Variants in DPP10 observed in about 807,000 individuals in gnomAD.
DPP10 encodes inactive dipeptidyl peptidase 10.
In DPP10, 33 loss-of-function variants were observed where a neutral mutation model predicts 120.9. The ratio of observed to expected loss-of-function variants is 0.27; its 90% CI spans 0.21 to 0.37. The LOEUF is 0.37. DPP10 is among the 10% of genes least tolerant of loss of function. The pLI is 1.00. For missense variants in DPP10, 816 were observed against 942.8 expected (o/e 0.87, Z 1.76); for synonymous variants, 337 against 326.1 (o/e 1.03, Z -0.36).
intron 17 of DPP10, 29 bp from the exon 18 acceptor site, chr2:115,791,052 C>T (rs777460735): frequency 1.3e-6 from 2 of 1,526,972 alleles, no homozygotes; most frequent in South Asian, 2.3e-5. Context: ...TAGGGGTTAG[C>T]TATTTACACT....
intron 1 of DPP10, among the ~76,000 whole-genome samples, chr2:115,229,408 C>T (rs981739304): frequency 3.3e-5 from 5 of 152,056 alleles, no homozygotes; most frequent in Non-Finnish European, 5.9e-5. Context: ...TCTTTGCTTT[C>T]GTTGCGCATG....
At chr2:115,639,706 GTAGATT>G (rs1276083188) in intron 5 of DPP10, among the ~76,000 whole-genome samples, 20 of 152,106 alleles carry the variant, frequency 1.3e-4, no homozygotes, top group Non-Finnish European at 7.4e-5. Context: ...GTTAAAACAT[GTAGATT>G]TCTGAAACCT....
At chr2:114,503,824 A>G (rs1044491927) in intron 1 of DPP10, among the ~76,000 whole-genome samples, 2 of 152,228 alleles carry the variant, frequency 1.3e-5, no homozygotes, top group Admixed American at 6.5e-5. Flanking sequence ...CTTTTGTCCC[A>G]TAAAAAATAA....
intron 1 of DPP10, among the ~76,000 whole-genome samples, chr2:115,295,708 T>C (rs2060855792): frequency 6.6e-6 from 1 of 152,086 alleles, no homozygotes; most frequent in South Asian, 2.1e-4. Flanking sequence ...ATTTCTGCTT[T>C]TTTTTCTTTT....
chr2:115,603,317 C>T (rs927273071), intron 5 of DPP10, among the ~76,000 whole-genome samples: 3 of 149,860 alleles, frequency 2.0e-5, no homozygotes, highest in South Asian at 2.1e-4. Flanking sequence ...AACAGGTGGG[C>T]GCACACCCAC....
At chr2:115,206,524 C>T (rs2056142950) in intron 1 of DPP10, among the ~76,000 whole-genome samples, 1 of 152,156 alleles carries the variant, frequency 6.6e-6, no homozygotes, top group African/African-American at 2.4e-5. Flanking sequence ...GACAACAAAA[C>T]CATGTCTATT....
intron 5 of DPP10, among the ~76,000 whole-genome samples, chr2:115,684,997 G>C (rs1175095280): frequency 6.6e-6 from 1 of 151,926 alleles, no homozygotes; most frequent in Non-Finnish European, 1.5e-5. Context: ...GAAAGGTAGT[G>C]TGCAGAAAGA....
intron 5 of DPP10, among the ~76,000 whole-genome samples, chr2:115,534,564 T>C (rs1031932428): frequency 2.0e-5 from 3 of 152,112 alleles, no homozygotes; most frequent in African/African-American, 7.2e-5. Flanking sequence ...AATGCCGCAA[T>C]AAACATACGT....
At chr2:115,346,891 T>A (rs1455309010) in intron 3 of DPP10, among the ~76,000 whole-genome samples, 1 of 152,158 alleles carries the variant, frequency 6.6e-6, no homozygotes, top group Non-Finnish European at 1.5e-5. Context: ...AGTATAAAAC[T>A]TGACCTCTTT....
At chr2:115,178,106 C>T (rs1398712351) in intron 1 of DPP10, among the ~76,000 whole-genome samples, 2 of 152,032 alleles carry the variant, frequency 1.3e-5, no homozygotes, top group Non-Finnish European at 2.9e-5. Context: ...AAAAATGTTC[C>T]TCCTTTTTTC....
At chr2:114,968,011 T>G (rs944907572) in intron 1 of DPP10, among the ~76,000 whole-genome samples, 1 of 151,910 alleles carries the variant, frequency 6.6e-6, no homozygotes, top group Non-Finnish European at 1.5e-5. Context: ...CTGCTCTTAC[T>G]GCATATAACA....
At chr2:115,837,275 A>G (rs926783453) in intron 24 of DPP10, among the ~76,000 whole-genome samples, 1 of 152,130 alleles carries the variant, frequency 6.6e-6, no homozygotes, top group Non-Finnish European at 1.5e-5. Flanking sequence ...ATCACTTTAA[A>G]CCTTGGAGGT....
chr2:115,031,593 G>A (rs140911926), intron 1 of DPP10, among the ~76,000 whole-genome samples: 1 of 152,228 alleles, frequency 6.6e-6, no homozygotes, highest in Non-Finnish European at 1.5e-5. Context: ...TATTTAGGGT[G>A]CTGTGAAAGA....
chr2:115,090,104 A>G (rs1205810210), intron 1 of DPP10, among the ~76,000 whole-genome samples: 3 of 139,128 alleles, frequency 2.2e-5, no homozygotes, highest in Non-Finnish European at 4.7e-5. Context: ...ATTCCCTTTT[A>G]TTTTTCTCTT....
rs1049568301 is a variant in DPP10, at chr2:115,719,454, G to A, written c.577-8362G>A. Among the ~76,000 whole-genome samples, 39 of 152,152 alleles carry A rather than the reference G, an allele frequency of 2.6e-4. 1 individual carries two copies. Among genetic ancestry groups the A allele is most frequent in the Admixed American group, 2.1e-3 (32 of 15,276 alleles). On this transcript the variant is annotated intron_variant, in intron 7 of 25. Transcript: ENST00000410059. ...AAGGTGACATGAGTGATTTGAATGAGTTGTTCTATGTCTCAGAGATGGTCC... is the reference window on the plus strand; with the variant it reads ...AAGGTGACATGAGTGATTTGAATGAATTGTTCTATGTCTCAGAGATGGTCC...
chr2:115,741,673 G>A (rs976871276), intron 9 of DPP10, among the ~76,000 whole-genome samples: 1 of 152,124 alleles, frequency 6.6e-6, no homozygotes, highest in Non-Finnish European at 1.5e-5. Context: ...TCAACGCACT[G>A]CACAAAGAAA....
At chr2:114,456,538 A>G (rs1678595974) in intron 1 of DPP10, among the ~76,000 whole-genome samples, 1 of 152,256 alleles carries the variant, frequency 6.6e-6, no homozygotes, top group African/African-American at 2.4e-5. Flanking sequence ...AATGTCAACC[A>G]CAGTCCTATA....
At chr2:115,140,801 C>A (rs2050887571) in intron 1 of DPP10, among the ~76,000 whole-genome samples, 1 of 151,718 alleles carries the variant, frequency 6.6e-6, no homozygotes, top group African/African-American at 2.4e-5. Flanking sequence ...ATGGAGCTAC[C>A]ATTTACTGAA....
intron 2 of DPP10, among the ~76,000 whole-genome samples, chr2:115,329,376 G>A (rs900741452): frequency 5.3e-5 from 8 of 152,018 alleles, no homozygotes; most frequent in Admixed American, 5.3e-4. Flanking sequence ...TTAAATTAAG[G>A]AGTATGTATT....
Sources: allele counts gnomAD v4.1 joint callset (sites outside exome capture counted in the v4.1 genomes callset), GRCh38; gene constraint gnomAD v4.1.1; transcripts MANE v1.5; gene names NCBI Gene and HGNC (gene_info 2026-07-23, HGNC 2026-07-21).